LDHC: variants seen among roughly 807,000 people sequenced by gnomAD.
LDHC encodes L-lactate dehydrogenase C chain.
In LDHC, 20 loss-of-function variants were observed where a neutral mutation model predicts 30.2. The ratio of observed to expected loss-of-function variants is 0.66; its 90% confidence interval spans 0.47 to 0.96. LDHC has a LOEUF of 0.96. Ranked by LOEUF, LDHC falls within the 40% of genes least tolerant of loss-of-function variation. The probability of loss-of-function intolerance (pLI) is 0.00; values close to 1 mark genes in which losing one functional copy is unlikely to be tolerated. For missense variants in LDHC, 362 were observed against 394.9 expected (o/e 0.92, Z 0.71); for synonymous variants, 139 against 132.7 (o/e 1.05, Z -0.32).
At chr11:18,425,443 C>T (rs938145613) in intron 3 of LDHC, among the ~76,000 whole-genome samples, 6 of 151,924 alleles carry the variant, frequency 3.9e-5, no homozygotes, top group African/African-American at 9.7e-5. Flanking sequence ...TGCAGTGGCA[C>T]GATCTCAGCT....
chr11:18,414,887 C>A (rs1396015581), intron 2 of LDHC, among the ~76,000 whole-genome samples: 1 of 151,830 alleles, frequency 6.6e-6, no homozygotes, highest in East Asian at 1.9e-4. Context: ...CCTTTGAAAT[C>A]ATTTTATTTT....
intron 4 of LDHC, among the ~76,000 whole-genome samples, chr11:18,431,340 T>C (rs1358222279): frequency 6.6e-6 from 1 of 151,942 alleles, no homozygotes; most frequent in East Asian, 1.9e-4. Flanking sequence ...TACATGCCTG[T>C]AATCCCAGCT....
Position 18,451,200 on chromosome 11 carries a change from A to G in LDHC, c.*73A>G. 1 of 1,022,074 alleles carries G rather than the reference A, an allele frequency of 9.8e-7. No homozygotes were observed. The highest frequency in any genetic ancestry group is 1.4e-6 in the Non-Finnish European group (1 of 733,680). 63.3% of individuals were successfully genotyped at this position (1,022,074 alleles called of 1,614,324 possible). A position where few individuals can be genotyped will look rare whatever the true frequency, so the allele number is the denominator to read the frequency against. On this transcript the variant is annotated 3_prime_UTR_variant, in exon 8 of 8. Coordinates refer to ENST00000541669, the MANE Select transcript of LDHC (RefSeq NM_017448.5). ...GCTGTGTATTTTAAATTTTGAAAGT[A>G]TTTTCATTTGATCTTTAAAAAATAA... is the stretch of plus-strand genomic sequence containing the variant.
intron 2 of LDHC, among the ~76,000 whole-genome samples, chr11:18,414,372 G>GATT (rs1459148002): frequency 6.6e-6 from 1 of 152,128 alleles, no homozygotes; most frequent in African/African-American, 2.4e-5. Flanking sequence ...CATATGGAAT[G>GATT]GGTTCCCATG....
At chr11:18,445,281 C>T (rs916000564) in intron 6 of LDHC, among the ~76,000 whole-genome samples, 5 of 152,046 alleles carry the variant, frequency 3.3e-5, no homozygotes, top group Admixed American at 6.6e-5. Context: ...CTCTGCCCAC[C>T]AGGTTCAAGT....
intron 3 of LDHC, among the ~76,000 whole-genome samples, chr11:18,427,770 T>TA (rs1848188009): frequency 6.6e-6 from 1 of 150,746 alleles, no homozygotes; most frequent in South Asian, 2.1e-4. Flanking sequence ...CTCCACCTCC[T>TA]AGGTTCAAGT....
At chr11:18,426,811 C>T (rs1467779766) in intron 3 of LDHC, among the ~76,000 whole-genome samples, 6 of 151,966 alleles carry the variant, frequency 3.9e-5, no homozygotes, top group Admixed American at 6.6e-5. Flanking sequence ...TTTCCAGGTG[C>T]CCTGATCCTG....
chr11:18,439,177 A>G (rs761073076), intron 6 of LDHC, among the ~76,000 whole-genome samples: 1 of 152,220 alleles, frequency 6.6e-6, no homozygotes, highest in Admixed American at 6.5e-5. Flanking sequence ...TAAATGAAGC[A>G]TCTGACTCCA....
chr11:18,423,718 G>A (rs943042131), intron 3 of LDHC, among the ~76,000 whole-genome samples: 12 of 152,050 alleles, frequency 7.9e-5, no homozygotes, highest in African/African-American at 2.9e-4. Context: ...AAAGTTAAGA[G>A]TGTTCACAAA....
chr11:18,435,014 G>T, intron 5 of LDHC, 101 bp downstream of exon 5: 3 of 746,066 alleles, frequency 4.0e-6, no homozygotes, highest in African/African-American at 1.8e-5. Context: ...AGTTGTATAA[G>T]TTTAATTTTT....
chr11:18,434,484 G>A (rs143635246), intron 4 of LDHC, among the ~76,000 whole-genome samples: 1 of 151,984 alleles, frequency 6.6e-6, no homozygotes, highest in African/African-American at 2.4e-5. Context: ...GCTAATTTTT[G>A]TATTTGTTGG....
chr11:18,420,810 A>T (rs572129704), intron 3 of LDHC, among the ~76,000 whole-genome samples: 1 of 152,262 alleles, frequency 6.6e-6, no homozygotes, highest in African/African-American at 2.4e-5. Context: ...AAAATGAAGG[A>T]CAGAGAAAAT....
At chr11:18,416,845 C>T (rs1343453835) in intron 3 of LDHC, among the ~76,000 whole-genome samples, 1 of 150,154 alleles carries the variant, frequency 6.7e-6, no homozygotes, top group Non-Finnish European at 1.5e-5. Flanking sequence ...CCTTTCCTTT[C>T]CTCTCCTCTC....
At position 18,434,762 on chromosome 11, in the gene LDHC, C is replaced by G. The variant is rs145660188; in HGVS notation, c.441C>G (p.Val147=). Residue 147 remains valine, a synonymous_variant, in exon 5 of 8, where the codon GTC becomes GTG. Coordinates refer to ENST00000541669, the MANE Select transcript of LDHC (RefSeq NM_017448.5). ...TAGTGGATATTTTGACATATATAGTCTGGAAGATAAGTGGCTTACCTGTAA... is the reference window on the plus strand; with the variant it reads ...TAGTGGATATTTTGACATATATAGTGTGGAAGATAAGTGGCTTACCTGTAA... ...SNPVDILTYI[V]WKISGLPVTR... 3 of 1,603,702 alleles carry G rather than the reference C, an allele frequency of 1.9e-6. No homozygotes were observed. The African/African-American group carries it at 4.0e-5, about 21-fold the overall frequency.
chr11:18,421,633 A>G (rs111770233), intron 3 of LDHC, among the ~76,000 whole-genome samples: 22,652 of 151,522 alleles, frequency 0.15, 1,867 homozygotes, highest in African/African-American at 0.21. Flanking sequence ...AGATCATGCC[A>G]TTACACTCCA....
At chr11:18,446,623 A>C (rs1848559877) in intron 7 of LDHC, among the ~76,000 whole-genome samples, 2 of 152,190 alleles carry the variant, frequency 1.3e-5, no homozygotes, top group African/African-American at 4.8e-5. Context: ...AAGAAAATTT[A>C]TTGGCTTATG....
At chr11:18,424,249 G>A (rs1848118874) in intron 3 of LDHC, among the ~76,000 whole-genome samples, 1 of 152,098 alleles carries the variant, frequency 6.6e-6, no homozygotes, top group South Asian at 2.1e-4. Flanking sequence ...GGGCATGGTG[G>A]TGCGCGCCTG....
rs149785205 is a variant in LDHC, at chr11:18,416,397, A to G, written c.244+1096A>G. Among the ~76,000 whole-genome samples, 671 of 152,308 alleles carry G rather than the reference A, an allele frequency of 4.4e-3. 3 individuals are homozygous for G. The highest frequency in any genetic ancestry group is 5.8e-3 in the Non-Finnish European group (395 of 68,034). ...GAAGCCTCAGATAATTAGGAAACAT[A>G]ATTATTTTATCATACACTAAAGTAT... On this transcript the variant is annotated intron_variant, in intron 3 of 7. Coordinates refer to ENST00000541669, the MANE Select transcript of LDHC (RefSeq NM_017448.5).
At chr11:18,428,701 C>A (rs1848208491) in intron 3 of LDHC, among the ~76,000 whole-genome samples, 1 of 151,664 alleles carries the variant, frequency 6.6e-6, no homozygotes, top group Non-Finnish European at 1.5e-5. Flanking sequence ...ATGGTGAAAC[C>A]CCGTCTCTAC....
Sources: gnomAD v4.1 joint callset for allele counts (sites outside exome capture counted in the v4.1 genomes callset) on GRCh38, gnomAD v4.1.1 for gene constraint, MANE v1.5 for transcripts, NCBI Gene and HGNC (gene_info 2026-07-23, HGNC 2026-07-21) for gene names.